The following EIF2AK3 variants were observed in gnomAD, a reference collection of about 807,000 sequenced individuals.
EIF2AK3 encodes the protein eukaryotic translation initiation factor 2-alpha kinase 3.
Under a neutral mutation model 113.5 loss-of-function variants are expected in EIF2AK3, and 50 were observed. That is an observed-to-expected ratio of 0.44 (90% CI 0.35 to 0.56). EIF2AK3 has a LOEUF of 0.56. Among genes scored for constraint, EIF2AK3 ranks in the 20% least tolerant of loss-of-function variants. The pLI, the probability that EIF2AK3 is intolerant of heterozygous loss-of-function variation, is 0.00. For missense variants in EIF2AK3, 1,185 were observed against 1,378.0 expected, an observed-to-expected ratio of 0.86 and a Z score of 2.22; for synonymous variants, 448 against 495.4, an observed-to-expected ratio of 0.90 and a Z score of 1.27.
chr2:88,574,433 A>G (rs1299935373), intron 13 of EIF2AK3: 1 of 577,120 alleles, frequency 1.7e-6, no homozygotes, highest in Non-Finnish European at 3.1e-6. Context: ...TTACAGTAAA[A>G]TGAACACAAA....
intron 2 of EIF2AK3, among the ~76,000 whole-genome samples, chr2:88,610,210 G>A (rs908662910): frequency 6.6e-6 from 1 of 152,158 alleles, no homozygotes; most frequent in Non-Finnish European, 1.5e-5. Flanking sequence ...CTTTTCTGAT[G>A]AGATCAGTGG....
intron 6 of EIF2AK3, among the ~76,000 whole-genome samples, chr2:88,589,568 G>C (rs1232828802): frequency 2.0e-5 from 3 of 151,340 alleles, no homozygotes; most frequent in Non-Finnish European, 4.4e-5. Context: ...TAATATGGAT[G>C]CAAATACAAA....
At chr2:88,558,081 C>T (rs1673832409) in intron 16 of EIF2AK3, 145 bp from the exon 17 acceptor site, 1 of 760,616 alleles carries the variant, frequency 1.3e-6, no homozygotes, top group African/African-American at 1.7e-5. Flanking sequence ...TACAACTACT[C>T]AGCTCTGCCG....
At chr2:88,607,423 A>C (rs1675307325) in intron 2 of EIF2AK3, among the ~76,000 whole-genome samples, 1 of 152,248 alleles carries the variant, frequency 6.6e-6, no homozygotes, top group Admixed American at 6.5e-5. Context: ...AAGCTAATAG[A>C]GTGAACTTTA....
In EIF2AK3 at chr2:88,569,984, G is replaced by A. The variant is rs1674249692; in HGVS notation, c.2985+890C>T. 2.0e-5 allele frequency among the ~76,000 whole-genome samples: 3 copies of A among 151,008 alleles called. 1 individual carries two copies. The South Asian group carries it at 6.2e-4, about 31-fold the overall frequency. On this transcript the variant is annotated intron_variant, in intron 14 of 16. Coordinates refer to ENST00000303236, the MANE Select transcript of EIF2AK3 (RefSeq NM_004836.7). ...CACTTTTATAAGTTAGCTTTAAAGA[G>A]ACTGGCAAAAATGTAAACAAATGTC...
At position 88,589,246 on chromosome 2, in the gene EIF2AK3, C is replaced by T. The variant is rs114333552; in HGVS notation, c.1166-345G>A. Among the ~76,000 whole-genome samples, 863 of 152,246 alleles carry T rather than the reference C, an allele frequency of 5.7e-3. 8 individuals carry two copies. Among genetic ancestry groups the T allele is most frequent in the African/African-American group, 0.019 (784 of 41,548 alleles). On this transcript the variant is annotated intron_variant, in intron 6 of 16. Transcript: ENST00000303236. ...TTTCTCAAGAAAGTTTACCTAAACA[C>T]CTATAATTCTAGAAATATTGCTAAC...
intron 14 of EIF2AK3, among the ~76,000 whole-genome samples, chr2:88,569,886 G>T (rs956534744): frequency 1.3e-5 from 2 of 152,168 alleles, no homozygotes; most frequent in African/African-American, 4.8e-5. Context: ...TGCGAGGCCA[G>T]ATTTCCTCAT....
At chr2:88,625,326 C>CACAG (rs1202293982) in intron 1 of EIF2AK3, among the ~76,000 whole-genome samples, 3 of 130,798 alleles carry the variant, frequency 2.3e-5, no homozygotes, top group Non-Finnish European at 5.1e-5. Context: ...CACACACACA[C>CACAG]AGACATACAC....
intron 15 of EIF2AK3, among the ~76,000 whole-genome samples, chr2:88,561,825 C>T (rs1673968525): frequency 6.6e-6 from 1 of 152,102 alleles, no homozygotes; most frequent in Non-Finnish European, 1.5e-5. Context: ...CACCACTGCA[C>T]TCCAGCCTGA....
chr2:88,560,060 T>C (rs149854742), intron 15 of EIF2AK3, among the ~76,000 whole-genome samples: 1 of 152,318 alleles, frequency 6.6e-6, no homozygotes, highest in African/African-American at 2.4e-5. Context: ...CATTTTACAT[T>C]CCACCAGCAA....
rs750876286 is a variant in EIF2AK3, at chr2:88,627,236, C to T, written c.39G>A (p.Ala13=). 2 of 1,480,734 alleles carry T rather than the reference C, an allele frequency of 1.4e-6. No individual in the cohort carries two copies. The highest frequency in any genetic ancestry group is 2.5e-5 in the South Asian group (2 of 78,880). The allele number at this position is 1,480,734 out of a possible 1,614,324, so 91.7% of individuals were successfully genotyped here. A position where few individuals can be genotyped will look rare whatever the true frequency, so the allele number is the denominator to read the frequency against. Residue 13 remains alanine (A), a synonymous_variant, in exon 1 of 17, where the codon GCG becomes GCA. Transcript: ENST00000303236. The part of the protein sequence containing the change: ...RAISPGLLVR[A]LLLLLLLLGL... ...CCAGCAGCAGCAGCAGCAGCAGCAG[C>T]GCCCGTACCAGCAGCCCCGGGCTGA...
intron 13 of EIF2AK3, among the ~76,000 whole-genome samples, chr2:88,571,458 TTAC>T (rs1478092647): frequency 3.3e-5 from 5 of 152,198 alleles, no homozygotes; most frequent in African/African-American, 7.2e-5. Context: ...TCAAAGCAGT[TTAC>T]TACTACTAAC....
intron 1 of EIF2AK3, among the ~76,000 whole-genome samples, chr2:88,615,249 T>C (rs1048021406): frequency 6.6e-6 from 1 of 152,210 alleles, no homozygotes; most frequent in Non-Finnish European, 1.5e-5. Context: ...GAGCTCCCCC[T>C]TACGCATTCG....
At chr2:88,580,764 T>A (rs189239755) in intron 10 of EIF2AK3, among the ~76,000 whole-genome samples, 225 of 152,338 alleles carry the variant, frequency 1.5e-3, no homozygotes, top group South Asian at 7.5e-3. Context: ...CATACTCATT[T>A]ATTTAGTAGT....
At chr2:88,583,832 G>C (rs1013688310) in intron 9 of EIF2AK3, among the ~76,000 whole-genome samples, 2 of 152,160 alleles carry the variant, frequency 1.3e-5, no homozygotes, top group African/African-American at 4.8e-5. Flanking sequence ...ACACATGTAA[G>C]CATAAACACA....
chr2:88,591,403 A>T (rs1285498274), intron 4 of EIF2AK3, among the ~76,000 whole-genome samples: 3 of 152,228 alleles, frequency 2.0e-5, no homozygotes, highest in Non-Finnish European at 4.4e-5. Flanking sequence ...GGTAGCACAC[A>T]GTCTGCCTTA....
In EIF2AK3 at chr2:88,557,747, G is replaced by A; in HGVS notation, c.3340C>T (p.Pro1114Ser). 6.2e-7 allele frequency: 1 copy of A among 1,614,132 alleles called. No individual in the cohort carries two copies. Among genetic ancestry groups the A allele is most frequent in the Non-Finnish European group, 8.5e-7 (1 of 1,179,974 alleles). ...RQSNNSHSPL[P>S]SN ...AGCACAACTTAAGGCTAATTGCTTG[G>A]CAAAGGGCTATGGGAGTTGTTGGAC... is the stretch of plus-strand genomic sequence containing the variant. The change falls in exon 17 of 17, where the codon CCA (proline) becomes TCA (serine). Residue 1114 changes from proline to serine, a missense_variant. Pro to Ser is a moderately conservative substitution (Grantham distance 74). This residue lies in a region of EIF2AK3 where 877 missense variants were observed against 1,024.2 expected (regional missense o/e 0.86). Coordinates refer to ENST00000303236, the MANE Select transcript of EIF2AK3 (RefSeq NM_004836.7).
At chr2:88,592,032 T>C (rs962696504) in intron 4 of EIF2AK3, among the ~76,000 whole-genome samples, 21 of 152,196 alleles carry the variant, frequency 1.4e-4, no homozygotes, top group African/African-American at 5.1e-4. Context: ...GGAAACTGAA[T>C]TACACTGCAT....
At chr2:88,588,671 A>T in intron 7 of EIF2AK3, 90 bp downstream of exon 7, 3 of 1,325,250 alleles carry the variant, frequency 2.3e-6, no homozygotes, top group Non-Finnish European at 3.2e-6. Context: ...AACAGTTCTT[A>T]TCTCTGCAGT....
Sources: allele counts gnomAD v4.1 joint callset (sites outside exome capture counted in the v4.1 genomes callset), GRCh38; gene constraint gnomAD v4.1.1; regional missense constraint gnomAD v4.1.1; transcripts MANE v1.5; gene names NCBI Gene and HGNC (gene_info 2026-07-23, HGNC 2026-07-21).